CNTN1: variants seen among roughly 807,000 people sequenced by gnomAD.
CNTN1 encodes contactin 1, also known as contactin-1.
CNTN1 carries 38 observed loss-of-function variants against 126.4 expected under a neutral mutation model. The observed-to-expected ratio is 0.30, with a 90% confidence interval of 0.23 to 0.39. The LOEUF is 0.39. CNTN1 is among the 10% of genes least tolerant of loss of function. CNTN1 has a pLI of 1.00. For missense variants in CNTN1, 1,009 were observed against 1,248.4 expected (o/e 0.81, Z 2.89); for synonymous variants, 413 against 422.6 (o/e 0.98, Z 0.28).
intron 1 of CNTN1, among the ~76,000 whole-genome samples, chr12:40,762,753 A>T (rs1296712508): frequency 2.0e-5 from 3 of 152,204 alleles, no homozygotes; most frequent in Non-Finnish European, 4.4e-5. Flanking sequence ...GTAAAATTAT[A>T]CATGGCCCCT....
chr12:41,021,453 C>T (rs1948908872), intron 20 of CNTN1, among the ~76,000 whole-genome samples: 1 of 152,102 alleles, frequency 6.6e-6, no homozygotes, highest in African/African-American at 2.4e-5. Context: ...TTCTCAGTGC[C>T]ATGCAAGACC....
chr12:40,733,332 C>T (rs1441108994), intron 1 of CNTN1, among the ~76,000 whole-genome samples: 7 of 151,352 alleles, frequency 4.6e-5, no homozygotes, highest in Non-Finnish European at 5.9e-5. Flanking sequence ...GGCTGAAATA[C>T]GCATTCTAGA....
chr12:40,806,839 CT>C (rs1940879506), intron 1 of CNTN1, among the ~76,000 whole-genome samples: 1 of 152,064 alleles, frequency 6.6e-6, no homozygotes, highest in Non-Finnish European at 1.5e-5. Context: ...GAACTTGTCC[CT>C]TTTTGACTTA....
chr12:40,838,010 C>T (rs566923110), intron 1 of CNTN1, among the ~76,000 whole-genome samples: 12 of 152,278 alleles, frequency 7.9e-5, no homozygotes, highest in African/African-American at 9.6e-5. Context: ...TGCTTCTCCC[C>T]GGAGCATTGC....
intron 1 of CNTN1, among the ~76,000 whole-genome samples, chr12:40,905,890 TAA>T (rs1944791161): frequency 6.6e-6 from 1 of 152,148 alleles, no homozygotes; most frequent in Admixed American, 6.5e-5. Flanking sequence ...AATTTTCACT[TAA>T]GTCTATATGT....
intron 6 of CNTN1, 122 bp from the exon 7 acceptor site, chr12:40,929,674 C>A: frequency 1.3e-6 from 1 of 745,622 alleles, no homozygotes. Flanking sequence ...TGGCTTTCTC[C>A]TAACATTTGC....
chr12:41,056,486 C>A (rs1430312213), intron 23 of CNTN1, among the ~76,000 whole-genome samples: 1 of 152,050 alleles, frequency 6.6e-6, no homozygotes, highest in Non-Finnish European at 1.5e-5. Flanking sequence ...GACATAGCAA[C>A]AAGAGAAGAG....
intron 6 of CNTN1, 105 bp from the exon 7 acceptor site, chr12:40,929,691 A>T: frequency 1.2e-6 from 1 of 833,078 alleles, no homozygotes; most frequent in East Asian, 2.6e-5. Flanking sequence ...TTGCTCCACA[A>T]TAGCCTTTAT....
intron 1 of CNTN1, among the ~76,000 whole-genome samples, chr12:40,899,037 A>G (rs1944509797): frequency 6.6e-6 from 1 of 152,214 alleles, no homozygotes; most frequent in African/African-American, 2.4e-5. Flanking sequence ...CAAAGGGATT[A>G]TTACAGCACA....
At chr12:40,765,956 T>C in intron 1 of CNTN1, among the ~76,000 whole-genome samples, 1 of 152,242 alleles carries the variant, frequency 6.6e-6, no homozygotes, top group East Asian at 1.9e-4. Flanking sequence ...ATATCCAATG[T>C]TGTGGAAGCT....
At chr12:41,064,769 C>CTAGATAGATAGA (rs59729389) in intron 23 of CNTN1, among the ~76,000 whole-genome samples, 4,431 of 150,690 alleles carry the variant, frequency 0.029, 77 homozygotes, top group African/African-American at 0.047. Context: ...TGCTACCTCT[C>CTAGATAGATAGA]TAGATAGATA....
At position 40,851,760 on chromosome 12, in the gene CNTN1, G is replaced by T. The variant is rs190278413; in HGVS notation, c.-76-56597G>T. Among the ~76,000 whole-genome samples the T allele has an allele frequency of 5.3e-5, 8 of 152,056 alleles. No homozygotes were observed. The East Asian group carries it at 1.4e-3, about 26-fold the overall frequency. On this transcript the variant is annotated intron_variant, in intron 1 of 23. Coordinates refer to ENST00000551295, the MANE Select transcript of CNTN1 (RefSeq NM_001843.4). ...CTCAAATCTGCCTCCCCAAAGATAA[G>T]GCTTAGCGATATTTATGAGTTAGGG...
chr12:40,911,891 G>A (rs1040839287), intron 3 of CNTN1, among the ~76,000 whole-genome samples: 2 of 152,184 alleles, frequency 1.3e-5, no homozygotes, highest in Non-Finnish European at 2.9e-5. Context: ...TGAGTCATGT[G>A]AGGGATAGGT....
chr12:40,814,920 G>A (rs529440522), intron 1 of CNTN1, among the ~76,000 whole-genome samples: 1 of 152,044 alleles, frequency 6.6e-6, no homozygotes, highest in Non-Finnish European at 1.5e-5. Context: ...CCCATCCCTT[G>A]TAAGTTGGAT....
chr12:40,773,633 G>GTGTA lies in CNTN1; in HGVS notation c.-77+81042_-77+81043insGTAT, dbSNP rs1555155525. Among the ~76,000 whole-genome samples, 153 of 46,584 alleles carry GTGTA rather than the reference G, an allele frequency of 3.3e-3. 1 individual carries two copies. Among genetic ancestry groups the GTGTA allele is most frequent in the Middle Eastern group, 0.012 (1 of 84 alleles). 30.6% of individuals were successfully genotyped at this position (46,584 alleles called of 152,430 possible). ...TTTTTCTGACCTCTGACCAGAAACTGTATATATATATATATATATATACAC... is the reference window on the plus strand; with the variant it reads ...TTTTTCTGACCTCTGACCAGAAACTGTGTATATATATATATATATATATATACAC... On this transcript the variant is annotated intron_variant, in intron 1 of 23. Coordinates refer to ENST00000551295, the MANE Select transcript of CNTN1 (RefSeq NM_001843.4).
intron 1 of CNTN1, among the ~76,000 whole-genome samples, chr12:40,839,513 T>C (rs1828039638): frequency 6.6e-6 from 1 of 151,938 alleles, no homozygotes; most frequent in Non-Finnish European, 1.5e-5. Context: ...AAAAAGCCAA[T>C]CCTAAAAACA....
intron 15 of CNTN1, among the ~76,000 whole-genome samples, chr12:40,963,458 T>C (rs1947181003): frequency 6.6e-6 from 1 of 152,060 alleles, no homozygotes; most frequent in Non-Finnish European, 1.5e-5. Flanking sequence ...GGGGTTTGTA[T>C]AATATACCTG....
intron 1 of CNTN1, among the ~76,000 whole-genome samples, chr12:40,770,159 CT>C (rs532719310): frequency 6.6e-6 from 1 of 152,090 alleles, no homozygotes; most frequent in Non-Finnish European, 1.5e-5. Flanking sequence ...AAGCAATCAA[CT>C]TTTTTTAGCG....
chr12:41,046,847 C>CTTTTTT (rs56655599), intron 23 of CNTN1, among the ~76,000 whole-genome samples: 57 of 118,988 alleles, frequency 4.8e-4, no homozygotes, highest in African/African-American at 6.8e-4. Context: ...TTGCTTATTT[C>CTTTTTT]TTTTTTTTTT....
Sources: allele counts gnomAD v4.1 joint callset (sites outside exome capture counted in the v4.1 genomes callset), GRCh38; gene constraint gnomAD v4.1.1; transcripts MANE v1.5; gene names NCBI Gene and HGNC (gene_info 2026-07-23, HGNC 2026-07-21).